PPP2R5A: variants seen among roughly 807,000 people sequenced by gnomAD.
PPP2R5A encodes protein phosphatase 2 regulatory subunit B'alpha.
In PPP2R5A, 25 loss-of-function variants were observed where a neutral mutation model predicts 64.2. That is an observed-to-expected ratio of 0.39 (90% CI 0.28 to 0.54). The LOEUF (loss-of-function observed/expected upper bound fraction) is 0.54, where lower values mean the gene tolerates loss of function less well. Ranked by LOEUF, PPP2R5A falls within the 20% of genes least tolerant of loss-of-function variation. The pLI is 0.67. For synonymous variants in PPP2R5A, 198 were observed against 201.2 expected, an observed-to-expected ratio of 0.98 and a Z score of 0.13; for missense variants, 425 against 576.3, an observed-to-expected ratio of 0.74 and a Z score of 2.69.
intron 3 of PPP2R5A, among the ~76,000 whole-genome samples, chr1:212,341,290 A>T (rs1391362319): frequency 6.6e-6 from 1 of 152,138 alleles, no homozygotes. Flanking sequence ...GTACACAGAC[A>T]TTTCTTCCCT....
At chr1:212,329,375 G>T (rs1237920523) in intron 2 of PPP2R5A, 44 bp downstream of exon 2, 2 of 1,382,234 alleles carry the variant, frequency 1.4e-6, no homozygotes, top group African/African-American at 1.5e-5. Flanking sequence ...GTAAATTTAA[G>T]ATCTGAGGTA....
chr1:212,306,639 G>A (rs966294306), intron 1 of PPP2R5A: 3 of 151,300 alleles, frequency 2.0e-5, no homozygotes, highest in African/African-American at 4.9e-5. Context: ...CAATCTACTT[G>A]TATTTTTAAA....
chr1:212,325,390 G>T lies in PPP2R5A; in HGVS notation c.182-3745G>T, dbSNP rs887272406. ...AAATCTAGTGAAGTATTTCAGGTAG[G>T]GAAAAGACTTTGAACAAAGACACGG... On this transcript the variant is annotated intron_variant, in intron 1 of 12. Transcript: ENST00000261461. 6.6e-5 allele frequency among the ~76,000 whole-genome samples: 10 copies of T among 152,244 alleles called. No individual in the cohort carries two copies. In the East Asian group the frequency reaches 1.9e-3, roughly 29 times the overall value.
chr1:212,298,826 C>T (rs1658741995), intron 1 of PPP2R5A, among the ~76,000 whole-genome samples: 2 of 36,946 alleles, frequency 5.4e-5, no homozygotes, highest in African/African-American at 2.7e-4. Context: ...GTAGGGGCGG[C>T]CGGGCAGAGG....
At chr1:212,322,755 TTTTATTTATTTATTTATTTA>T (rs59766947) in intron 1 of PPP2R5A, among the ~76,000 whole-genome samples, 2 of 147,010 alleles carry the variant, frequency 1.4e-5, no homozygotes, top group African/African-American at 5.0e-5. Flanking sequence ...TTAATTCTCA[TTTTATTTATTTATTTATTTA>T]TTTATTTATT....
chr1:212,342,458 T>C (rs1009979157), intron 4 of PPP2R5A, among the ~76,000 whole-genome samples, 178 bp downstream of exon 4: 1 of 152,214 alleles, frequency 6.6e-6, no homozygotes, highest in African/African-American at 2.4e-5. Flanking sequence ...AGAGTATTTT[T>C]ATCAAGGGTG....
At chr1:212,287,585 C>G (rs918646941) in intron 1 of PPP2R5A, among the ~76,000 whole-genome samples, 6 of 152,156 alleles carry the variant, frequency 3.9e-5, no homozygotes, top group African/African-American at 1.2e-4. Flanking sequence ...GGCTTTTGAA[C>G]AGAGATTTTG....
At chr1:212,306,623 T>C (rs1324894304) in intron 1 of PPP2R5A, among the ~76,000 whole-genome samples, 1 of 152,172 alleles carries the variant, frequency 6.6e-6, no homozygotes, top group Non-Finnish European at 1.5e-5. Context: ...TTCATCTTTT[T>C]ATTTTCAATC....
chr1:212,334,577 A>G (rs936694815), intron 3 of PPP2R5A, among the ~76,000 whole-genome samples: 3 of 152,156 alleles, frequency 2.0e-5, no homozygotes, highest in African/African-American at 7.2e-5. Flanking sequence ...CAGGTGTGCA[A>G]TTAATGACAA....
At chr1:212,302,907 T>C (rs1658824774) in intron 1 of PPP2R5A, among the ~76,000 whole-genome samples, 1 of 152,180 alleles carries the variant, frequency 6.6e-6, no homozygotes, top group African/African-American at 2.4e-5. Flanking sequence ...TTATTCATGT[T>C]GTAGCATGTG....
intron 1 of PPP2R5A, among the ~76,000 whole-genome samples, chr1:212,303,226 C>T (rs1332560073): frequency 6.6e-6 from 1 of 152,172 alleles, no homozygotes; most frequent in Non-Finnish European, 1.5e-5. Flanking sequence ...TGAGGATTTT[C>T]ATCGCTCCAC....
At chr1:212,342,399 A>G in intron 4 of PPP2R5A, 119 bp downstream of exon 4, 2 of 1,278,638 alleles carry the variant, frequency 1.6e-6, no homozygotes, top group Non-Finnish European at 2.1e-6. Context: ...AGCACTTAAT[A>G]TTACTGCCAA....
At chr1:212,304,083 A>G (rs909433982) in intron 1 of PPP2R5A, among the ~76,000 whole-genome samples, 2 of 152,116 alleles carry the variant, frequency 1.3e-5, no homozygotes, top group African/African-American at 4.8e-5. Flanking sequence ...ATTTATAGCT[A>G]TATCTTTCTC....
intron 3 of PPP2R5A, among the ~76,000 whole-genome samples, chr1:212,339,817 A>G (rs183756995): frequency 6.6e-6 from 1 of 152,208 alleles, no homozygotes; most frequent in African/African-American, 2.4e-5. Flanking sequence ...TCTGATGAAG[A>G]TCTTAAGAAG....
In PPP2R5A at chr1:212,305,035, A is replaced by ATTT. The variant is rs3070963; in HGVS notation, c.181+18763_181+18765dup. Among the ~76,000 whole-genome samples the ATTT allele has an allele frequency of 1.8e-3, 197 of 107,926 alleles. 5 individuals are homozygous for ATTT. The highest frequency in any genetic ancestry group is 6.3e-3 in the African/African-American group (160 of 25,234). 70.8% of individuals were successfully genotyped at this position (107,926 alleles called of 152,430 possible). A position where few individuals can be genotyped will look rare whatever the true frequency, so the allele number is the denominator to read the frequency against. The stretch of plus-strand genomic sequence containing the variant: ...TGGGAGCTGCCACACCCGGCCCCCA[A>ATTT]TTTTTTTTTTTTTTTTTTTTTGAGA... On this transcript the variant is annotated intron_variant, in intron 1 of 12. Transcript: ENST00000261461.
At chr1:212,293,760 ACTC>A (rs1276029472) in intron 1 of PPP2R5A, among the ~76,000 whole-genome samples, 1 of 151,284 alleles carries the variant, frequency 6.6e-6, no homozygotes, top group Non-Finnish European at 1.5e-5. Flanking sequence ...TTGGAAACAC[ACTC>A]CTCCTACTGG....
chr1:212,286,019 C>A lies in PPP2R5A; in HGVS notation c.-92C>A. ...GCCGGGGCGCAGGGGCGCGAGCACC[C>A]CGCGCCTCTCCCCCGCCTCCTCCTG... is the stretch of plus-strand genomic sequence containing the variant. On this transcript the variant is annotated 5_prime_UTR_variant, in exon 1 of 13. Transcript: ENST00000261461. 1 of 1,329,520 alleles carries A rather than the reference C, an allele frequency of 7.5e-7. No individual in the cohort carries two copies. Among genetic ancestry groups the A allele is most frequent in the Non-Finnish European group, 9.7e-7 (1 of 1,028,020 alleles). 82.4% of individuals were successfully genotyped at this position (1,329,520 alleles called of 1,614,324 possible). A position where few individuals can be genotyped will look rare whatever the true frequency, so the allele number is the denominator to read the frequency against.
At chr1:212,326,150 C>A (rs950019971) in intron 1 of PPP2R5A, among the ~76,000 whole-genome samples, 7 of 151,866 alleles carry the variant, frequency 4.6e-5, no homozygotes, top group Non-Finnish European at 7.4e-5. Flanking sequence ...GCTAGTGGTT[C>A]ATTTTCACCC....
At chr1:212,309,322 G>A in intron 1 of PPP2R5A, 3 of 1,523,674 alleles carry the variant, frequency 2.0e-6, no homozygotes, top group Non-Finnish European at 2.7e-6. Context: ...GTTTCTCCTG[G>A]GGGCGCTCTT....
Sources: allele counts gnomAD v4.1 joint callset (sites outside exome capture counted in the v4.1 genomes callset), GRCh38; gene constraint gnomAD v4.1.1; transcripts MANE v1.5; gene names NCBI Gene and HGNC (gene_info 2026-07-23, HGNC 2026-07-21).